The following CNTN4 variants were observed in gnomAD, a reference collection of about 807,000 sequenced individuals.
The protein encoded by CNTN4 is contactin-4.
In CNTN4, 77 loss-of-function variants were observed where a neutral mutation model predicts 122.5. The ratio of observed to expected loss-of-function variants is 0.63; its 90% CI spans 0.52 to 0.76. The LOEUF (loss-of-function observed/expected upper bound fraction) is 0.76. Ranked by LOEUF, CNTN4 falls within the 30% of genes least tolerant of loss-of-function variation. The probability of loss-of-function intolerance (pLI) is 0.00; values close to 1 mark genes in which losing one functional copy is unlikely to be tolerated. For synonymous variants in CNTN4, 512 were observed against 447.0 expected (o/e 1.15, Z -1.83); for missense variants, 1,256 against 1,259.1 (o/e 1.00, Z 0.04).
At chr3:2,260,627 G>A (rs2040796803) in intron 2 of CNTN4, among the ~76,000 whole-genome samples, 1 of 151,874 alleles carries the variant, frequency 6.6e-6, no homozygotes, top group Admixed American at 6.6e-5. Context: ...TCTTGCTTTT[G>A]TATTTTTCCA....
intron 3 of CNTN4, among the ~76,000 whole-genome samples, chr3:2,364,255 A>G (rs1023771024): frequency 3.3e-5 from 5 of 152,226 alleles, no homozygotes; most frequent in Non-Finnish European, 5.9e-5. Context: ...AATGGAAATA[A>G]TATTTATCTC....
At chr3:2,530,049 T>C (rs1353948147) in intron 3 of CNTN4, among the ~76,000 whole-genome samples, 2 of 152,104 alleles carry the variant, frequency 1.3e-5, no homozygotes, top group African/African-American at 4.8e-5. Flanking sequence ...TCACACTTCC[T>C]CCCTGGCAGT....
intron 4 of CNTN4, among the ~76,000 whole-genome samples, chr3:2,623,418 C>A (rs536349244): frequency 6.6e-6 from 1 of 152,210 alleles, no homozygotes. Context: ...CTTATCCAAC[C>A]ACACAGCAGT....
chr3:2,466,970 C>CTTTCTTTTTTT (rs1392656721), intron 3 of CNTN4, among the ~76,000 whole-genome samples: 10 of 115,808 alleles, frequency 8.6e-5, no homozygotes, highest in African/African-American at 3.4e-4. Context: ...TTCTTTCTTT[C>CTTTCTTTTTTT]TTTTTTTTTT....
intron 12 of CNTN4, among the ~76,000 whole-genome samples, chr3:2,911,317 T>C (rs569013145): frequency 1.3e-5 from 2 of 152,134 alleles, no homozygotes; most frequent in Non-Finnish European, 2.9e-5. Context: ...CAGTACCTGA[T>C]AAAGACACCA....
chr3:2,906,493 A>T (rs1044773252), intron 12 of CNTN4, among the ~76,000 whole-genome samples: 2 of 152,216 alleles, frequency 1.3e-5, no homozygotes, highest in African/African-American at 4.8e-5. Context: ...AAAAAAATAA[A>T]AATTTTGATT....
chr3:2,412,309 T>C (rs1575578269), intron 3 of CNTN4, among the ~76,000 whole-genome samples: 1 of 151,930 alleles, frequency 6.6e-6, no homozygotes, highest in African/African-American at 2.4e-5. Context: ...TGGAGTGCAG[T>C]GGCGCTATCT....
chr3:2,461,449 A>G (rs73806607), intron 3 of CNTN4, among the ~76,000 whole-genome samples: 2,883 of 152,326 alleles, frequency 0.019, 91 homozygotes, highest in African/African-American at 0.065. Context: ...TTATGGTTTC[A>G]GAAAACAAAG....
At chr3:2,954,348 G>A (rs545454231) in intron 13 of CNTN4, among the ~76,000 whole-genome samples, 1 of 152,278 alleles carries the variant, frequency 6.6e-6, no homozygotes, top group East Asian at 1.9e-4. Context: ...GTGCCCATTG[G>A]GAACTTGCAA....
intron 3 of CNTN4, among the ~76,000 whole-genome samples, chr3:2,556,053 C>G (rs1313502616): frequency 2.0e-5 from 3 of 152,104 alleles, no homozygotes; most frequent in Admixed American, 1.3e-4. Context: ...CATCTGTTTG[C>G]TAGTGTAAAC....
intron 6 of CNTN4, among the ~76,000 whole-genome samples, chr3:2,769,493 A>C (rs2149756855): frequency 6.6e-6 from 1 of 152,028 alleles, no homozygotes; most frequent in African/African-American, 2.4e-5. Flanking sequence ...AACAAAACAA[A>C]AGGCAGTGTT....
At chr3:2,107,872 C>G (rs1186001205) in intron 2 of CNTN4, among the ~76,000 whole-genome samples, 2 of 152,142 alleles carry the variant, frequency 1.3e-5, no homozygotes, top group African/African-American at 4.8e-5. Context: ...CATCAGACTT[C>G]CAGTCAAGAA....
At chr3:2,939,928 A>T (rs927115345) in intron 13 of CNTN4, among the ~76,000 whole-genome samples, 2 of 152,206 alleles carry the variant, frequency 1.3e-5, no homozygotes, top group African/African-American at 4.8e-5. Flanking sequence ...CCATCGGCAG[A>T]ATATTTACAC....
intron 6 of CNTN4, among the ~76,000 whole-genome samples, chr3:2,803,319 A>G (rs2092390790): frequency 6.6e-6 from 1 of 152,250 alleles, no homozygotes; most frequent in Non-Finnish European, 1.5e-5. Flanking sequence ...GGGAGAAAAG[A>G]TTGAAAATTG....
intron 2 of CNTN4, among the ~76,000 whole-genome samples, chr3:2,232,851 C>G (rs1308235621): frequency 1.3e-5 from 2 of 152,122 alleles, no homozygotes; most frequent in African/African-American, 2.4e-5. Flanking sequence ...AAGGGATTAA[C>G]AAGCTCTAAA....
At position 2,367,436 on chromosome 3, in the gene CNTN4, A is replaced by G. The variant is rs555437660; in HGVS notation, c.-89+28203A>G. Among the ~76,000 whole-genome samples the G allele has an allele frequency of 2.0e-5, 3 of 152,352 alleles. No homozygotes were observed. In the South Asian group the frequency reaches 6.2e-4, roughly 32 times the overall value. ...CACCCTTGAAAATACGAAAATCTTA[A>G]TTATAGTTACGGTGTACAGTGGATA... is the stretch of plus-strand genomic sequence containing the variant. On this transcript the variant is annotated intron_variant, in intron 3 of 24. Coordinates refer to ENST00000418658, the MANE Select transcript of CNTN4 (RefSeq NM_175607.3).
At chr3:2,837,198 A>G (rs2093246006) in intron 7 of CNTN4, among the ~76,000 whole-genome samples, 1 of 152,086 alleles carries the variant, frequency 6.6e-6, no homozygotes, top group African/African-American at 2.4e-5. Flanking sequence ...CTCTTTTTCC[A>G]AAAAAAGCAT....
At chr3:2,704,030 C>T (rs557140645) in intron 4 of CNTN4, among the ~76,000 whole-genome samples, 45 of 152,114 alleles carry the variant, frequency 3.0e-4, no homozygotes, top group African/African-American at 1.0e-3. Flanking sequence ...TGGTGGATCA[C>T]GCCTGTAATC....
Position 2,964,583 on chromosome 3 carries a change from G to T in CNTN4, c.1359-23762G>T, listed in dbSNP as rs989496804. 2.6e-5 allele frequency among the ~76,000 whole-genome samples: 4 copies of T among 152,128 alleles called. No individual in the cohort carries two copies. The East Asian group carries it at 7.7e-4, about 29-fold the overall frequency. ...AAAGTTTGGGATGGGGCCTGAGATT[G>T]TGTGTTTCTTATAAGCTCCCATATG... is the stretch of plus-strand genomic sequence containing the variant. On this transcript the variant is annotated intron_variant, in intron 13 of 24. Coordinates refer to ENST00000418658, the MANE Select transcript of CNTN4 (RefSeq NM_175607.3).
Sources: allele counts gnomAD v4.1 joint callset (sites outside exome capture counted in the v4.1 genomes callset), GRCh38; gene constraint gnomAD v4.1.1; transcripts MANE v1.5; gene names NCBI Gene and HGNC (gene_info 2026-07-23, HGNC 2026-07-21).